The following MYO3B variants were observed in gnomAD, a reference collection of about 807,000 sequenced individuals.
MYO3B encodes the protein myosin IIIB, also known as myosin-IIIb.
A neutral mutation model predicts 174.6 loss-of-function variants in MYO3B; 156 were observed. The observed-to-expected ratio is 0.89, with a 90% CI of 0.78 to 1.02. The LOEUF (loss-of-function observed/expected upper bound fraction) is 1.02. Among genes scored for constraint, MYO3B ranks in the 50% least tolerant of loss-of-function variants. MYO3B has a pLI of 0.00. For synonymous variants in MYO3B, 563 were observed against 569.1 expected (o/e 0.99, Z 0.15); for missense variants, 1,632 against 1,639.4 (o/e 1.00, Z 0.08).
At chr2:170,499,923 C>G (rs1006287992) in intron 27 of MYO3B, 115 bp downstream of exon 27, 2 of 737,358 alleles carry the variant, frequency 2.7e-6, no homozygotes, top group African/African-American at 3.5e-5. Context: ...TCCTTCTCCC[C>G]TCCCTCCCTC....
intron 6 of MYO3B, among the ~76,000 whole-genome samples, chr2:170,230,211 C>A (rs1426758996): frequency 2.0e-5 from 3 of 150,356 alleles, no homozygotes; most frequent in South Asian, 2.1e-4. Flanking sequence ...GCTCTGTTAC[C>A]CAGGCTGGAG....
chr2:170,232,802 A>C (rs2093029326), intron 6 of MYO3B, among the ~76,000 whole-genome samples: 1 of 152,196 alleles, frequency 6.6e-6, no homozygotes, highest in Admixed American at 6.5e-5. Flanking sequence ...AGTACTCAAT[A>C]ATTATTTGTG....
intron 22 of MYO3B, among the ~76,000 whole-genome samples, chr2:170,432,599 C>A (rs1185117391): frequency 1.4e-5 from 2 of 146,850 alleles, no homozygotes; most frequent in South Asian, 4.3e-4. Flanking sequence ...TTTTTTGAGA[C>A]GGAGTCTTGC....
At chr2:170,224,154 G>A (rs2092928412) in intron 6 of MYO3B, among the ~76,000 whole-genome samples, 2 of 151,922 alleles carry the variant, frequency 1.3e-5, no homozygotes, top group African/African-American at 4.8e-5. Flanking sequence ...CACTTACTGA[G>A]GACTGACTCT....
At chr2:170,502,758 T>A (rs1816671) in intron 28 of MYO3B, among the ~76,000 whole-genome samples, 140,380 of 152,152 alleles carry the variant, frequency 0.92, 65,725 homozygotes, top group Non-Finnish European at 1. Context: ...GCAGAGAGAG[T>A]GATAGGATTT....
At chr2:170,400,350 A>G (rs770814327) in intron 17 of MYO3B, 36 bp downstream of exon 17, 1 of 1,611,672 alleles carries the variant, frequency 6.2e-7, no homozygotes, top group Non-Finnish European at 8.5e-7. Flanking sequence ...TGTTGTTGCC[A>G]AAGCACGTGC....
chr2:170,281,300 C>A (rs902819995), intron 7 of MYO3B, among the ~76,000 whole-genome samples: 5 of 152,026 alleles, frequency 3.3e-5, no homozygotes, highest in African/African-American at 7.2e-5. Flanking sequence ...AATTCTCCTC[C>A]CAAAAACAAT....
intron 1 of MYO3B, among the ~76,000 whole-genome samples, chr2:170,191,118 G>T (rs563562964): frequency 6.6e-6 from 1 of 151,966 alleles, no homozygotes; most frequent in East Asian, 1.9e-4. Flanking sequence ...CTGGCCCAGG[G>T]TGTGTCTAGA....
At chr2:170,332,703 T>C (rs1332700485) in intron 7 of MYO3B, among the ~76,000 whole-genome samples, 3 of 152,178 alleles carry the variant, frequency 2.0e-5, no homozygotes, top group South Asian at 2.1e-4. Flanking sequence ...AGATGTTTCC[T>C]TGTGTGGTGT....
chr2:170,579,265 A>G (rs1692980038), intron 32 of MYO3B, among the ~76,000 whole-genome samples: 1 of 151,998 alleles, frequency 6.6e-6, no homozygotes, highest in African/African-American at 2.4e-5. Context: ...CAGTCCTTTG[A>G]TTTTTAAAAA....
chr2:170,652,761 C>T (rs909154371), intron 34 of MYO3B, among the ~76,000 whole-genome samples: 1 of 152,124 alleles, frequency 6.6e-6, no homozygotes, highest in Non-Finnish European at 1.5e-5. Context: ...CACCACAAAA[C>T]TGGACCCACT....
At chr2:170,585,445 G>A (rs1693442065) in intron 32 of MYO3B, among the ~76,000 whole-genome samples, 1 of 152,032 alleles carries the variant, frequency 6.6e-6, no homozygotes, top group Non-Finnish European at 1.5e-5. Context: ...AAGCAACATG[G>A]ATGTGCTACC....
chr2:170,284,366 C>G (rs1009382266), intron 7 of MYO3B, among the ~76,000 whole-genome samples: 52 of 152,032 alleles, frequency 3.4e-4, no homozygotes, highest in African/African-American at 1.2e-3. Context: ...ATGTTTTGAC[C>G]TACCAAAAGC....
At chr2:170,211,640 G>A (rs2092771684) in intron 3 of MYO3B, among the ~76,000 whole-genome samples, 1 of 152,140 alleles carries the variant, frequency 6.6e-6, no homozygotes, top group Non-Finnish European at 1.5e-5. Context: ...TCAGCAAATG[G>A]CAGAAGTCAC....
chr2:170,543,846 C>G lies in MYO3B; in HGVS notation c.3637-46C>G, dbSNP rs779564300. ...AGAAGCCATGTCCTTAAGGCTGTTT[C>G]ATCAGAGGATAAGAATAATATTTCT... On this transcript the variant is annotated intron_variant, in intron 31 of 34. Transcript: ENST00000408978. 9 of 1,513,968 alleles carry G rather than the reference C, an allele frequency of 5.9e-6. No individual in the cohort carries two copies. In the Admixed American group the frequency reaches 1.5e-4, roughly 26 times the overall value. The allele number at this position is 1,513,968 out of a possible 1,614,324, so 93.8% of individuals were successfully genotyped here.
chr2:170,285,532 T>G (rs1266606403), intron 7 of MYO3B, among the ~76,000 whole-genome samples: 1 of 152,112 alleles, frequency 6.6e-6, no homozygotes, highest in Non-Finnish European at 1.5e-5. Flanking sequence ...AGCTAATTTT[T>G]GTATTTTTTT....
At chr2:170,243,819 A>C (rs972873626) in intron 7 of MYO3B, among the ~76,000 whole-genome samples, 5 of 152,326 alleles carry the variant, frequency 3.3e-5, no homozygotes, top group Non-Finnish European at 7.4e-5. Context: ...TGATTGTATG[A>C]GGAATTAAGA....
intron 30 of MYO3B, among the ~76,000 whole-genome samples, chr2:170,520,989 A>G (rs1688638570): frequency 6.6e-6 from 1 of 152,178 alleles, no homozygotes. Flanking sequence ...GATTATGGGG[A>G]ACTTCCTTAA....
intron 32 of MYO3B, among the ~76,000 whole-genome samples, chr2:170,630,874 G>A (rs1696904274): frequency 6.6e-6 from 1 of 152,294 alleles, no homozygotes; most frequent in Admixed American, 6.5e-5. Context: ...CAACAAAAAG[G>A]ACATCCACAC....
Sources: gnomAD v4.1 joint callset for allele counts (sites outside exome capture counted in the v4.1 genomes callset) on GRCh38, gnomAD v4.1.1 for gene constraint, MANE v1.5 for transcripts, NCBI Gene and HGNC (gene_info 2026-07-23, HGNC 2026-07-21) for gene names.